Variants in DHX37 observed in about 807,000 individuals in gnomAD.
The protein encoded by DHX37 is DEAH-box helicase 37.
A neutral mutation model predicts 134.3 loss-of-function variants in DHX37; 52 were observed. The observed-to-expected ratio is 0.39, with a 90% confidence interval of 0.31 to 0.49. DHX37 has a LOEUF of 0.49. DHX37 is among the 20% of genes least tolerant of loss of function. The pLI is 0.93. For missense variants in DHX37, 1,344 were observed against 1,580.8 expected, an observed-to-expected ratio of 0.85 and a Z score of 2.54; for synonymous variants, 634 against 670.7, an observed-to-expected ratio of 0.95 and a Z score of 0.85.
intron 5 of DHX37, among the ~76,000 whole-genome samples, chr12:124,976,542 T>G (rs1954644128): frequency 6.6e-6 from 1 of 151,880 alleles, no homozygotes; most frequent in African/African-American, 2.4e-5. Flanking sequence ...TGAAACTCTG[T>G]CTCTTGGCCG....
At chr12:124,956,985 C>G in intron 17 of DHX37, 44 bp downstream of exon 17, 1 of 1,523,328 alleles carries the variant, frequency 6.6e-7, no homozygotes, top group East Asian at 2.4e-5. Context: ...GGAGAGAGGG[C>G]CCTGAACGGG....
In DHX37 at chr12:124,980,548, G is replaced by A; in HGVS notation, c.680C>T (p.Pro227Leu). The A allele has an allele frequency of 1.2e-6, 2 of 1,612,544 alleles. No homozygotes were observed. Among genetic ancestry groups the A allele is most frequent in the South Asian group, 1.1e-5 (1 of 91,026 alleles). The change falls in exon 4 of 27, where the codon CCC becomes CTC. Residue 227 changes from proline (P) to leucine (L), a missense_variant. Pro to Leu is a moderately conservative substitution (Grantham distance 98). Coordinates refer to ENST00000308736, the MANE Select transcript of DHX37 (RefSeq NM_032656.4). The surrounding 1 kb of genome is among the most constrained non-coding windows in gnomAD (Gnocchi z 5.3). ...PPPPAAAPPL[P>L]RALAKPAVFI... ...GACGGCGGGCTTAGCCAGGGCCCTG[G>A]GCAGTGGTGGGGCTGCAGCTGGAGG...
At position 124,954,145 on chromosome 12, in the gene DHX37, C is replaced by A. The variant is rs1449993777; in HGVS notation, c.2520G>T (p.Lys840Asn). ...AAGCCCCCTGCCCTGCCCAGGTCCT[C>A]TTCATCTGGGCCACCCGGGCCCGCT... ...KSKRARVAQM[K>N]RTWAGQGASL... The change falls in exon 19 of 27, where the codon AAG becomes AAT. Residue 840 changes from lysine to asparagine, a missense_variant. This residue lies in a region of DHX37 where 558 missense variants were observed against 650.0 expected (regional missense o/e 0.86). Transcript: ENST00000308736. 6.2e-7 allele frequency: 1 copy of A among 1,612,596 alleles called. No homozygotes were observed. Among genetic ancestry groups the A allele is most frequent in the Non-Finnish European group, 8.5e-7 (1 of 1,179,516 alleles).
Position 124,986,099 on chromosome 12 carries a change from GCT to G in DHX37, c.271_272del (p.Ser91ProfsTer11). 6.2e-7 allele frequency: 1 copy of G among 1,613,642 alleles called. No individual in the cohort carries two copies. The highest frequency in any genetic ancestry group is 8.5e-7 in the Non-Finnish European group (1 of 1,179,970). On this transcript the variant is annotated frameshift_variant, in exon 2 of 27. Transcript: ENST00000308736. LOFTEE classifies it high-confidence loss of function. ...ACCCTGCCCGAGTGGGGTGTACCTG[GCT>G]CTTTTTCTCCTTCTGTTCTAAGATT... ...QKILEQKEKK[S>X]QRAEMLQKLS... is the part of the protein sequence containing the mutation.
intron 6 of DHX37, among the ~76,000 whole-genome samples, chr12:124,973,941 T>TC (rs1195987443): frequency 7.2e-5 from 7 of 97,098 alleles, no homozygotes; most frequent in African/African-American, 1.8e-4. Context: ...CCGTGCCCAG[T>TC]CCCCAAATTT....
chr12:124,972,252 C>T (rs1347978913), intron 7 of DHX37, among the ~76,000 whole-genome samples: 1 of 152,262 alleles, frequency 6.6e-6, no homozygotes, highest in Non-Finnish European at 1.5e-5. Context: ...TAGGTACGGG[C>T]CACTGTGCTA....
intron 6 of DHX37, among the ~76,000 whole-genome samples, chr12:124,973,070 A>G (rs1954552249): frequency 6.6e-6 from 1 of 152,250 alleles, no homozygotes; most frequent in Non-Finnish European, 1.5e-5. Context: ...TGTGCCCAAG[A>G]GGTTGAGGCT....
intron 6 of DHX37, among the ~76,000 whole-genome samples, chr12:124,973,500 G>T (rs375078620): frequency 5.9e-5 from 9 of 151,766 alleles, no homozygotes; most frequent in Non-Finnish European, 8.8e-5. Context: ...TCTAAACAGT[G>T]GGGGGGAGGG....
chr12:124,951,653 G>A (rs1253097789), intron 21 of DHX37, among the ~76,000 whole-genome samples: 1 of 152,184 alleles, frequency 6.6e-6, no homozygotes, highest in African/African-American at 2.4e-5. Flanking sequence ...CACTTTGGGA[G>A]GCCAAGGTGG....
rs1227127054 is a variant in DHX37 at position 124,967,611 on chromosome 12, T to C, written c.1409-393A>G. Among the ~76,000 whole-genome samples, 8 of 152,254 alleles carry C rather than the reference T, an allele frequency of 5.3e-5. No homozygotes were observed. The East Asian group carries it at 1.5e-3, about 29-fold the overall frequency. On this transcript the variant is annotated intron_variant, in intron 10 of 26. Coordinates refer to ENST00000308736, the MANE Select transcript of DHX37 (RefSeq NM_032656.4). ...CAGCCCCAGTCTCCCAGAGAATGGA[T>C]GGGAGCCCCGAAAGGCCATAAGCAG... is the stretch of plus-strand genomic sequence containing the variant.
chr12:124,952,470 G>A lies in DHX37; in HGVS notation c.2796C>T (p.Gly932=). 6.2e-7 allele frequency: 1 copy of A among 1,611,336 alleles called. No individual in the cohort carries two copies. The highest frequency in any genetic ancestry group is 8.5e-7 in the Non-Finnish European group (1 of 1,179,096). Residue 932 remains glycine, a synonymous_variant, in exon 21 of 27, where the codon GGC becomes GGT. Transcript: ENST00000308736. ...VTYLRQIVTA[G]LGDHLARRVQ... is the part of the protein sequence containing the mutation. Reference sequence around the variant, plus strand: ...CCCTGCGGGCCAAGTGGTCCCCCAGGCCTGCCGTCACGATCTGTCGCAGGT... The same window carrying A: ...CCCTGCGGGCCAAGTGGTCCCCCAGACCTGCCGTCACGATCTGTCGCAGGT...
chr12:124,981,707 T>C (rs1323187026), intron 3 of DHX37, among the ~76,000 whole-genome samples: 1 of 150,086 alleles, frequency 6.7e-6, no homozygotes, highest in African/African-American at 2.4e-5. Context: ...AGTGCTAGGA[T>C]TACAGGTATG....
At chr12:124,969,325 T>A (rs1594495153) in intron 8 of DHX37, among the ~76,000 whole-genome samples, 1 of 151,596 alleles carries the variant, frequency 6.6e-6, no homozygotes, top group Admixed American at 6.6e-5. Flanking sequence ...CTGTGGGGGG[T>A]GGGAGAGAGC....
At position 124,953,931 on chromosome 12, in the gene DHX37, A is replaced by G; in HGVS notation, c.2644T>C (p.Tyr882His). 1 of 1,612,950 alleles carries G rather than the reference A, an allele frequency of 6.2e-7. No individual in the cohort carries two copies. Among genetic ancestry groups the G allele is most frequent in the Non-Finnish European group, 8.5e-7 (1 of 1,179,794 alleles). ...PQFCEANGLRYKAMMEIRRLR... is the reference protein window; with the variant it reads ...PQFCEANGLRHKAMMEIRRLR... Reference sequence around the variant, plus strand: ...CGCCGGATCTCCATCATGGCTTTGTACCGCAGCCCGTTGGCTTCGCAAAAC... The same window carrying G: ...CGCCGGATCTCCATCATGGCTTTGTGCCGCAGCCCGTTGGCTTCGCAAAAC... Residue 882 changes from tyrosine (Y) to histidine (H), a missense_variant, in exon 20 of 27, where the codon TAC becomes CAC. Tyr to His is a moderately conservative substitution (Grantham distance 83). Around this residue, in one of 7 missense-constraint regions of DHX37, gnomAD observed 558 missense variants for 650.0 expected, o/e 0.86. Transcript: ENST00000308736.
At chr12:124,983,911 C>T (rs1954808591) in intron 2 of DHX37, among the ~76,000 whole-genome samples, 1 of 152,190 alleles carries the variant, frequency 6.6e-6, no homozygotes, top group Non-Finnish European at 1.5e-5. Flanking sequence ...AGACACAGCT[C>T]CCACGTGCAG....
intron 10 of DHX37, 96 bp downstream of exon 10, chr12:124,968,438 T>C: frequency 6.4e-7 from 1 of 1,559,562 alleles, no homozygotes; most frequent in Non-Finnish European, 8.6e-7. Context: ...CAAGGGACTT[T>C]TCTGAGCCAC....
In DHX37 at chr12:124,968,580, G is replaced by T. The variant is rs201142906; in HGVS notation, c.1362C>A (p.Gly454=). ...NKRTPLEDYS[G]ECFRKVCKIH... ...TCTTGCAGACCTTCCGGAAGCACTC[G>T]CCACTGTAGTCTTCCAGCGGTGTCC... Residue 454 remains glycine, a synonymous_variant, in exon 10 of 27, where the codon GGC becomes GGA. Coordinates refer to ENST00000308736, the MANE Select transcript of DHX37 (RefSeq NM_032656.4). The T allele has an allele frequency of 6.2e-7, 1 of 1,614,026 alleles. No homozygotes were observed. The highest frequency in any genetic ancestry group is 8.5e-7 in the Non-Finnish European group (1 of 1,180,044).
Position 124,964,643 on chromosome 12 carries a change from G to T in DHX37, c.1813-17C>A. 4 of 1,605,632 alleles carry T rather than the reference G, an allele frequency of 2.5e-6. No individual in the cohort carries two copies. In the South Asian group the frequency reaches 3.3e-5, roughly 13 times the overall value. ...CTTAAAGACCTAGGATTCGGGGAAG[G>T]GATGGCAGGAAAACACCAGAATCAG... On this transcript the variant is annotated splice_polypyrimidine_tract_variant and intron_variant, in intron 14 of 26. Transcript: ENST00000308736.
intron 15 of DHX37, among the ~76,000 whole-genome samples, chr12:124,963,688 T>C (rs373987099): frequency 1.8e-4 from 26 of 141,262 alleles, no homozygotes; most frequent in Middle Eastern, 3.9e-3. Context: ...GCTAACACGG[T>C]GAAAACCCAT....
Sources: allele counts gnomAD v4.1 joint callset (sites outside exome capture counted in the v4.1 genomes callset), GRCh38; gene constraint gnomAD v4.1.1; regional missense constraint gnomAD v4.1.1; non-coding constraint Gnocchi (gnomAD v3.1); transcripts MANE v1.5; gene names NCBI Gene and HGNC (gene_info 2026-07-23, HGNC 2026-07-21).